Variants in RIMKLA observed in about 807,000 individuals in gnomAD.
The protein encoded by RIMKLA is ribosomal modification protein rimK like family member A.
RIMKLA carries 14 observed loss-of-function variants against 32.7 expected under a neutral mutation model. That is an observed-to-expected ratio of 0.43 (90% confidence interval 0.28 to 0.67). The LOEUF is 0.67. Ranked by LOEUF, RIMKLA falls within the 30% of genes least tolerant of loss-of-function variation. RIMKLA has a pLI of 0.18. For synonymous variants in RIMKLA, 176 were observed against 204.1 expected (o/e 0.86, Z 1.18); for missense variants, 410 against 519.0 (o/e 0.79, Z 2.04).
chr1:42,399,456 AC>A lies in RIMKLA; in HGVS notation c.217del (p.Arg73GlyfsTer34). The A allele has an allele frequency of 6.2e-7, 1 of 1,613,216 alleles. No individual in the cohort carries two copies. Among genetic ancestry groups the A allele is most frequent in the Non-Finnish European group, 8.5e-7 (1 of 1,179,714 alleles). ...CCACTTTCCCGGATGTGGTGCTTGT[AC>A]GGGTACCCACACCCTCAGTGCAGTC... The part of the protein sequence containing the change: ...LTTFPDVVLV[R>X]VPTPSVQSDS... On this transcript the variant is annotated frameshift_variant, in exon 2 of 5. Transcript: ENST00000431473. LOFTEE classifies it high-confidence loss of function.
At chr1:42,388,336 C>G (rs1028085642) in intron 1 of RIMKLA, among the ~76,000 whole-genome samples, 2 of 152,060 alleles carry the variant, frequency 1.3e-5, no homozygotes, top group African/African-American at 2.4e-5. Context: ...TCTCTAGTAG[C>G]TTGGATTACA....
At chr1:42,395,329 TG>T (rs1275872081) in intron 1 of RIMKLA, among the ~76,000 whole-genome samples, 1 of 152,030 alleles carries the variant, frequency 6.6e-6, no homozygotes, top group Non-Finnish European at 1.5e-5. Context: ...AATATTTCAT[TG>T]ACCTATTTGG....
intron 2 of RIMKLA, among the ~76,000 whole-genome samples, chr1:42,399,889 A>C (rs1232367658): frequency 1.3e-5 from 2 of 152,192 alleles, no homozygotes; most frequent in Admixed American, 1.3e-4. Flanking sequence ...GCATTAAGCA[A>C]GAGGCTCCTG....
chr1:42,393,761 G>T (rs1187075226), intron 1 of RIMKLA, among the ~76,000 whole-genome samples: 1 of 152,116 alleles, frequency 6.6e-6, no homozygotes, highest in Non-Finnish European at 1.5e-5. Context: ...AATCTGAAGT[G>T]CTAAGTGGAT....
intron 1 of RIMKLA, among the ~76,000 whole-genome samples, chr1:42,385,755 C>CTTTCTT (rs1553175452): frequency 2.1e-5 from 2 of 97,328 alleles, no homozygotes; most frequent in Non-Finnish European, 3.9e-5. Context: ...TTCTTTCTTT[C>CTTTCTT]TTTCTTTCTT....
intron 2 of RIMKLA, among the ~76,000 whole-genome samples, chr1:42,400,350 A>G (rs530294011): frequency 2.0e-5 from 3 of 152,326 alleles, no homozygotes; most frequent in African/African-American, 7.2e-5. Flanking sequence ...GATAAGAGTT[A>G]TAGTTCAGAT....
chr1:42,383,980 TACAAAGCTTTTGTGCC>T lies in RIMKLA; in HGVS notation c.163+2884_163+2899del, dbSNP rs1272567937. Among the ~76,000 whole-genome samples the T allele has an allele frequency of 5.9e-5, 9 of 152,372 alleles. No individual in the cohort carries two copies. The East Asian group carries it at 1.3e-3, about 23-fold the overall frequency. On this transcript the variant is annotated intron_variant, in intron 1 of 4. Coordinates refer to ENST00000431473, the MANE Select transcript of RIMKLA (RefSeq NM_173642.4). ...ATTTAGGAAATTCAGGTATCACCTTTACAAAGCTTTTGTGCCTTCACTCCTTTCCATTGCTTCTTTA... is the reference window on the plus strand; with the variant it reads ...ATTTAGGAAATTCAGGTATCACCTTTTTCACTCCTTTCCATTGCTTCTTTA...
intron 1 of RIMKLA, among the ~76,000 whole-genome samples, chr1:42,391,824 G>C (rs777434375): frequency 6.6e-6 from 1 of 152,154 alleles, no homozygotes; most frequent in Non-Finnish European, 1.5e-5. Flanking sequence ...CGAGGGAGAT[G>C]AGGGAGGAAG....
In RIMKLA at chr1:42,381,022, T is replaced by C; in HGVS notation, c.88T>C (p.Cys30Arg). The change falls in exon 1 of 5, where the codon TGC (cysteine) becomes CGC (arginine). Residue 30 changes from cysteine (C) to arginine (R), a missense_variant. Transcript: ENST00000431473. ...VQILRALRQR[C>R]SEQDVRFRAV... Reference sequence around the variant, plus strand: ...GATCCTGCGCGCCCTCCGGCAGCGCTGCTCCGAGCAGGACGTGCGCTTCCG... The same window carrying C: ...GATCCTGCGCGCCCTCCGGCAGCGCCGCTCCGAGCAGGACGTGCGCTTCCG... The C allele has an allele frequency of 7.1e-7, 1 of 1,399,176 alleles. No homozygotes were observed. Among genetic ancestry groups the C allele is most frequent in the Non-Finnish European group, 9.3e-7 (1 of 1,076,616 alleles). 86.7% of individuals were successfully genotyped at this position (1,399,176 alleles called of 1,614,324 possible).
In RIMKLA at chr1:42,420,488, T is replaced by G. The variant is rs10493110; in HGVS notation, c.*5514T>G. On this transcript the variant is annotated 3_prime_UTR_variant, in exon 5 of 5. Transcript: ENST00000431473. ...GTCTCCTGTCCTTGGGACAGAGCAG[T>G]TCCATTTATATTCTCACATACAACC... 1 of 152,018 alleles carries G rather than the reference T, an allele frequency of 6.6e-6. No individual in the cohort carries two copies. Among genetic ancestry groups the G allele is most frequent in the Non-Finnish European group, 1.5e-5 (1 of 68,034 alleles). The allele number at this position is 152,018 out of a possible 1,614,324, so 9.4% of individuals were successfully genotyped here. A position where few individuals can be genotyped will look rare whatever the true frequency, so the allele number is the denominator to read the frequency against.
At chr1:42,389,876 C>T (rs1051094564) in intron 1 of RIMKLA, among the ~76,000 whole-genome samples, 1 of 151,824 alleles carries the variant, frequency 6.6e-6, no homozygotes, top group East Asian at 1.9e-4. Flanking sequence ...TAGCAATGTG[C>T]GTGTAGCATT....
chr1:42,411,647 ATTATTTATTTATTTATTTATTTAT>A (rs199789074), intron 4 of RIMKLA, among the ~76,000 whole-genome samples: 13 of 144,224 alleles, frequency 9.0e-5, no homozygotes, highest in African/African-American at 3.4e-4. Context: ...TTTTATTTTT[ATTATTTATTTATTTATTTATTTAT>A]TTATTTATTT....
intron 1 of RIMKLA, among the ~76,000 whole-genome samples, chr1:42,389,098 A>G (rs994286354): frequency 2.6e-5 from 4 of 152,216 alleles, no homozygotes; most frequent in African/African-American, 9.7e-5. Context: ...CTAGTCAAGG[A>G]GGACTCCAAA....
At chr1:42,384,815 A>G (rs1570313095) in intron 1 of RIMKLA, among the ~76,000 whole-genome samples, 1 of 152,182 alleles carries the variant, frequency 6.6e-6, no homozygotes, top group East Asian at 1.9e-4. Flanking sequence ...TATCCCTTGC[A>G]TCAGTCTACA....
At chr1:42,408,497 G>A (rs897988644) in intron 3 of RIMKLA, among the ~76,000 whole-genome samples, 9 of 152,106 alleles carry the variant, frequency 5.9e-5, no homozygotes, top group African/African-American at 2.2e-4. Flanking sequence ...TTGGCTCACC[G>A]CAACCTCTCT....
intron 1 of RIMKLA, among the ~76,000 whole-genome samples, chr1:42,386,579 T>C (rs1238873038): frequency 1.0e-5 from 1 of 95,264 alleles, no homozygotes; most frequent in African/African-American, 4.4e-5. Context: ...CCTGTCTCTA[T>C]AAAAATAAAA....
At position 42,418,065 on chromosome 1, in the gene RIMKLA, T is replaced by A. The variant is rs1449081961; in HGVS notation, c.*3091T>A. On this transcript the variant is annotated 3_prime_UTR_variant, in exon 5 of 5. Coordinates refer to ENST00000431473, the MANE Select transcript of RIMKLA (RefSeq NM_173642.4). ...AGGGAAACTTAAGACCTGAAAGGAA[T>A]AAGGCTCTTTGTGTATTCAGACAGC... The A allele has an allele frequency of 6.6e-6, 1 of 152,148 alleles. No homozygotes were observed. Among genetic ancestry groups the A allele is most frequent in the East Asian group, 1.9e-4 (1 of 5,192 alleles). The allele number at this position is 152,148 out of a possible 1,614,324, so 9.4% of individuals were successfully genotyped here.
rs1287736484 is a variant in RIMKLA at position 42,414,971 on chromosome 1, G to C, written c.1173G>C (p.Lys391Asn). 2 of 1,599,350 alleles carry C rather than the reference G, an allele frequency of 1.3e-6. No individual in the cohort carries two copies. Among genetic ancestry groups the C allele is most frequent in the African/African-American group, 2.7e-5 (2 of 74,570 alleles). ...NNRIASELKL[K>N] Reference sequence around the variant, plus strand: ...GGATTGCTTCTGAGTTAAAACTTAAGTGAATTCCTGCTTTTTGGCAGCATT... The same window carrying C: ...GGATTGCTTCTGAGTTAAAACTTAACTGAATTCCTGCTTTTTGGCAGCATT... The change falls in exon 5 of 5, where the codon AAG (lysine) becomes AAC (asparagine). Residue 391 changes from lysine (K) to asparagine (N), a missense_variant. Physicochemically the swap from Lys to Asn is moderately conservative, Grantham distance 94 (BLOSUM62 0). Transcript: ENST00000431473.
intron 4 of RIMKLA, among the ~76,000 whole-genome samples, chr1:42,413,971 G>T (rs1338078972): frequency 6.6e-6 from 1 of 151,068 alleles, no homozygotes; most frequent in Non-Finnish European, 1.5e-5. Context: ...TGCCCAGCCT[G>T]GTCCAAACGC....
Sources: allele counts gnomAD v4.1 joint callset (sites outside exome capture counted in the v4.1 genomes callset), GRCh38; gene constraint gnomAD v4.1.1; transcripts MANE v1.5; gene names NCBI Gene and HGNC (gene_info 2026-07-23, HGNC 2026-07-21).